Variants in KNL1 observed in about 807,000 individuals in gnomAD.
The protein encoded by KNL1 is outer kinetochore KNL1 complex subunit KNL1.
KNL1 carries 66 observed loss-of-function variants against 201.3 expected under a neutral mutation model. The ratio of observed to expected loss-of-function variants is 0.33; its 90% CI spans 0.27 to 0.40. The LOEUF (loss-of-function observed/expected upper bound fraction) is 0.40, where lower values mean the gene tolerates loss of function less well. Among genes scored for constraint, KNL1 ranks in the 10% least tolerant of loss-of-function variants. The pLI is 1.00. For synonymous variants in KNL1, 895 were observed against 899.2 expected, an observed-to-expected ratio of 1.00 and a Z score of 0.08; for missense variants, 2,815 against 2,690.5, an observed-to-expected ratio of 1.05 and a Z score of -1.02.
intron 9 of KNL1, among the ~76,000 whole-genome samples, chr15:40,619,432 T>TA (rs1306016378): frequency 6.6e-6 from 1 of 151,888 alleles, no homozygotes. Flanking sequence ...GACACAGTCT[T>TA]ACACTGTTGC....
chr15:40,604,110 C>T (rs936586924), intron 2 of KNL1, among the ~76,000 whole-genome samples: 1 of 142,076 alleles, frequency 7.0e-6, no homozygotes, highest in African/African-American at 2.7e-5. Flanking sequence ...AAGACCCTGT[C>T]TCACATATCA....
chr15:40,604,527 T>A (rs1891912459), intron 2 of KNL1, among the ~76,000 whole-genome samples: 1 of 152,116 alleles, frequency 6.6e-6, no homozygotes, highest in Admixed American at 6.6e-5. Flanking sequence ...CTACACATAT[T>A]TTTTAGTTTT....
chr15:40,623,488 C>G lies in KNL1; in HGVS notation c.3224C>G (p.Thr1075Ser), dbSNP rs1175442541. ...AGCCTTAAGCTAAAAAATGACAAGA[C>G]CATTGTATTTTCAGAGAATCATAAA... is the stretch of plus-strand genomic sequence containing the variant. ...RKSLKLKNDK[T>S]IVFSENHKND... Residue 1075 changes from threonine to serine, a missense_variant, in exon 10 of 26, where the codon ACC (threonine) becomes AGC (serine). Physicochemically the swap from Thr to Ser is moderately conservative, Grantham distance 58. Transcript: ENST00000399668. 6.2e-7 allele frequency: 1 copy of G among 1,612,328 alleles called. No individual in the cohort carries two copies. The highest frequency in any genetic ancestry group is 8.5e-7 in the Non-Finnish European group (1 of 1,179,498).
At chr15:40,648,569 CT>C (rs1351602484) in intron 17 of KNL1, among the ~76,000 whole-genome samples, 1 of 152,166 alleles carries the variant, frequency 6.6e-6, no homozygotes, top group Admixed American at 6.5e-5. Context: ...CTTTGAGGCT[CT>C]CTTAACAAGT....
intron 10 of KNL1, chr15:40,626,022 G>C (rs963118272): frequency 7.5e-5 from 12 of 160,546 alleles, no homozygotes; most frequent in Non-Finnish European, 1.4e-4. Context: ...CATCTTCAGT[G>C]TTGTTATATT....
chr15:40,652,030 T>C lies in KNL1; in HGVS notation c.6340T>C (p.Trp2114Arg). ...LSLSEWDVVE[W>R]SDDQAVFTFV... Reference sequence around the variant, plus strand: ...CTTGTCTGAGTGGGATGTCGTTGAGTGGAGTGATGATCAAGCTGTATTCAC... The same window carrying C: ...CTTGTCTGAGTGGGATGTCGTTGAGCGGAGTGATGATCAAGCTGTATTCAC... The change falls in exon 21 of 26, where the codon TGG becomes CGG. Residue 2114 changes from tryptophan to arginine, a missense_variant. Physicochemically the swap from Trp to Arg is moderately radical, Grantham distance 101 (BLOSUM62 -3). This residue lies in a region of KNL1 where 334 missense variants were observed against 362.6 expected (regional missense o/e 0.92). Transcript: ENST00000399668. 2 of 1,613,534 alleles carry C rather than the reference T, an allele frequency of 1.2e-6. No homozygotes were observed. The highest frequency in any genetic ancestry group is 2.2e-5 in the South Asian group (2 of 91,056).
chr15:40,609,599 G>C (rs771773165), intron 5 of KNL1, among the ~76,000 whole-genome samples: 7 of 152,038 alleles, frequency 4.6e-5, no homozygotes, highest in African/African-American at 7.2e-5. Flanking sequence ...AATAACAAAA[G>C]CCAGTGAAAT....
chr15:40,609,193 A>G (rs1394039548), intron 5 of KNL1, among the ~76,000 whole-genome samples: 1 of 149,418 alleles, frequency 6.7e-6, no homozygotes, highest in African/African-American at 2.5e-5. Context: ...GGATTGCTTG[A>G]GGCCAATAGT....
At chr15:40,634,592 T>A (rs765094197) in intron 13 of KNL1, among the ~76,000 whole-genome samples, 2 of 152,138 alleles carry the variant, frequency 1.3e-5, no homozygotes, top group Non-Finnish European at 2.9e-5. Context: ...GGCCTCAGCC[T>A]CATTACCATG....
At chr15:40,641,340 A>G (rs1893222708) in intron 14 of KNL1, among the ~76,000 whole-genome samples, 1 of 152,248 alleles carries the variant, frequency 6.6e-6, no homozygotes, top group Non-Finnish European at 1.5e-5. Flanking sequence ...TTTTCATACC[A>G]TTCTTAGGAA....
chr15:40,627,765 G>A (rs764159374), intron 10 of KNL1, among the ~76,000 whole-genome samples: 2 of 152,144 alleles, frequency 1.3e-5, no homozygotes, highest in African/African-American at 4.8e-5. Context: ...CCTGCTGTTG[G>A]TGGCTAGTAG....
chr15:40,620,544 A>AC, intron 9 of KNL1, 96 bp from the exon 10 acceptor site: 1 of 685,110 alleles, frequency 1.5e-6, no homozygotes, highest in South Asian at 2.5e-5. Context: ...GTGTTATGAA[A>AC]CCATCACTGA....
intron 17 of KNL1, among the ~76,000 whole-genome samples, chr15:40,649,438 G>A (rs545206198): frequency 8.8e-4 from 133 of 151,980 alleles, no homozygotes; most frequent in African/African-American, 3.1e-3. Context: ...TGGGATTACA[G>A]GCATGCACCA....
chr15:40,651,913 G>C, intron 20 of KNL1, 92 bp from the exon 21 acceptor site: 1 of 716,052 alleles, frequency 1.4e-6, no homozygotes, highest in Non-Finnish European at 2.4e-6. Flanking sequence ...AACATTAGCA[G>C]CTGCTGTTGG....
chr15:40,625,900 A>C (rs543574097), intron 10 of KNL1: 1 of 391,820 alleles, frequency 2.6e-6, no homozygotes, highest in African/African-American at 2.0e-5. Flanking sequence ...GCCAAAGTTA[A>C]AATTGTATAA....
At chr15:40,595,952 A>T (rs552093100) in intron 1 of KNL1, among the ~76,000 whole-genome samples, 17 of 152,192 alleles carry the variant, frequency 1.1e-4, no homozygotes, top group Non-Finnish European at 2.2e-4. Context: ...CAGGCTTTGC[A>T]GGCTACATGG....
rs1893993378 is a variant in KNL1, at chr15:40,664,287, A to G, written c.*2099A>G. On this transcript the variant is annotated 3_prime_UTR_variant, in exon 26 of 26. Coordinates refer to ENST00000399668, the MANE Select transcript of KNL1 (RefSeq NM_144508.5). ...TAAATTTTTTGAAAGTTTTTCTTTC[A>G]TTGGTTGGAAAGCAGATTACATTTT... 5.7e-6 allele frequency: 1 copy of G among 175,304 alleles called. No homozygotes were observed. The highest frequency in any genetic ancestry group is 2.0e-4 in the South Asian group (1 of 5,004). 10.9% of individuals were successfully genotyped at this position (175,304 alleles called of 1,614,324 possible). A position where few individuals can be genotyped will look rare whatever the true frequency, so the allele number is the denominator to read the frequency against.
At chr15:40,602,077 C>A (rs1293508844) in intron 1 of KNL1, among the ~76,000 whole-genome samples, 1 of 149,442 alleles carries the variant, frequency 6.7e-6, no homozygotes, top group Admixed American at 6.7e-5. Context: ...TCGCCCAGGC[C>A]GGACTGTGGT....
chr15:40,651,346 C>A, intron 19 of KNL1, 125 bp from the exon 20 acceptor site: 2 of 434,776 alleles, frequency 4.6e-6, no homozygotes, highest in South Asian at 4.6e-5. Context: ...ATGCCATACA[C>A]CTAACATTAT....
Sources: allele counts gnomAD v4.1 joint callset (sites outside exome capture counted in the v4.1 genomes callset), GRCh38; gene constraint gnomAD v4.1.1; regional missense constraint gnomAD v4.1.1; transcripts MANE v1.5; gene names NCBI Gene and HGNC (gene_info 2026-07-23, HGNC 2026-07-21).